The following TMPRSS11D variants were observed in gnomAD, a reference collection of about 807,000 sequenced individuals.
TMPRSS11D encodes the protein transmembrane protease serine 11D.
A neutral mutation model predicts 44.4 loss-of-function variants in TMPRSS11D; 32 were observed. That is an observed-to-expected ratio of 0.72 (90% CI 0.54 to 0.97). The LOEUF (loss-of-function observed/expected upper bound fraction) is 0.97. Among genes scored for constraint, TMPRSS11D ranks in the 50% least tolerant of loss-of-function variants. The probability of loss-of-function intolerance (pLI) is 0.00; values close to 1 mark genes in which losing one functional copy is unlikely to be tolerated. For missense variants in TMPRSS11D, 446 were observed against 502.6 expected (o/e 0.89, Z 1.08); for synonymous variants, 179 against 177.9 (o/e 1.01, Z -0.05).
chr4:67,862,811 A>G (rs1718822656), intron 1 of TMPRSS11D, among the ~76,000 whole-genome samples: 1 of 152,064 alleles, frequency 6.6e-6, no homozygotes. Flanking sequence ...GCAAGGACAA[A>G]AAACCAAACA....
At chr4:67,827,231 A>T (rs1166954770) in intron 8 of TMPRSS11D, 30 bp downstream of exon 8, 8 of 1,564,900 alleles carry the variant, frequency 5.1e-6, no homozygotes, top group Non-Finnish European at 6.0e-6. Context: ...AGACATTTCT[A>T]TTGTTAATTT....
intron 1 of TMPRSS11D, among the ~76,000 whole-genome samples, chr4:67,880,441 T>TCCTCC (rs1719293053): frequency 6.6e-6 from 1 of 152,130 alleles, no homozygotes; most frequent in Admixed American, 6.5e-5. Context: ...GGGAGGGATT[T>TCCTCC]TTTTTTAATT....
chr4:67,869,845 A>G (rs1346977752), intron 1 of TMPRSS11D, among the ~76,000 whole-genome samples: 1 of 152,214 alleles, frequency 6.6e-6, no homozygotes, highest in Non-Finnish European at 1.5e-5. Flanking sequence ...GTATAATGAG[A>G]CCAAGGTCAA....
intron 1 of TMPRSS11D, among the ~76,000 whole-genome samples, chr4:67,869,940 G>T (rs2109698633): frequency 6.6e-6 from 1 of 152,132 alleles, no homozygotes; most frequent in East Asian, 1.9e-4. Flanking sequence ...GCAAATCTGT[G>T]CTCCTTTTTT....
At chr4:67,855,252 C>CAAA (rs34448142) in intron 2 of TMPRSS11D, among the ~76,000 whole-genome samples, 1 of 125,786 alleles carries the variant, frequency 8.0e-6, no homozygotes, top group African/African-American at 3.1e-5. Context: ...AAGACTGTCT[C>CAAA]AAAAAAAAAA....
At chr4:67,854,749 C>T (rs1404129653) in intron 2 of TMPRSS11D, among the ~76,000 whole-genome samples, 1 of 152,062 alleles carries the variant, frequency 6.6e-6, no homozygotes, top group Non-Finnish European at 1.5e-5. Flanking sequence ...AGACCAATAA[C>T]AAGTAATAAG....
rs527809338 is a variant in TMPRSS11D at position 67,849,503 on chromosome 4, G to A, written c.249+4565C>T. ...CAATATTTAATGGCAGTGTAGAGGA[G>A]GGGGAGCCTGTAAAGAACACAGAGA... On this transcript the variant is annotated intron_variant, in intron 3 of 9. Transcript: ENST00000283916. Among the ~76,000 whole-genome samples, 3 of 130,996 alleles carry A rather than the reference G, an allele frequency of 2.3e-5. No individual in the cohort carries two copies. The South Asian group carries it at 7.5e-4, about 33-fold the overall frequency. The allele number at this position is 130,996 out of a possible 152,430, so 85.9% of individuals were successfully genotyped here. A position where few individuals can be genotyped will look rare whatever the true frequency, so the allele number is the denominator to read the frequency against.
chr4:67,828,474 T>A (rs954787429), intron 7 of TMPRSS11D, among the ~76,000 whole-genome samples: 1 of 152,144 alleles, frequency 6.6e-6, no homozygotes, highest in African/African-American at 2.4e-5. Context: ...AAATTTCATC[T>A]TGTTCATGTC....
chr4:67,881,031 T>C (rs964781798), intron 1 of TMPRSS11D, among the ~76,000 whole-genome samples: 5 of 152,228 alleles, frequency 3.3e-5, no homozygotes, highest in African/African-American at 1.2e-4. Flanking sequence ...TTGTTTTACA[T>C]GTCATGAGCA....
intron 1 of TMPRSS11D, among the ~76,000 whole-genome samples, chr4:67,873,299 C>T (rs1719105507): frequency 1.3e-5 from 2 of 152,158 alleles, no homozygotes; most frequent in African/African-American, 4.8e-5. Context: ...TCTGTGAGTT[C>T]TAACTTGCCA....
At chr4:67,881,000 T>G (rs1022353215) in intron 1 of TMPRSS11D, among the ~76,000 whole-genome samples, 6 of 152,038 alleles carry the variant, frequency 3.9e-5, no homozygotes, top group African/African-American at 1.5e-4. Flanking sequence ...AATTAATGAC[T>G]TTAGATTTGG....
intron 3 of TMPRSS11D, among the ~76,000 whole-genome samples, chr4:67,851,239 G>C (rs966750128): frequency 6.6e-6 from 1 of 152,200 alleles, no homozygotes; most frequent in Non-Finnish European, 1.5e-5. Context: ...GGTGGGTCCA[G>C]AGTCACAGAT....
intron 3 of TMPRSS11D, among the ~76,000 whole-genome samples, chr4:67,846,478 T>C (rs1224878626): frequency 6.6e-6 from 1 of 152,160 alleles, no homozygotes; most frequent in Non-Finnish European, 1.5e-5. Flanking sequence ...TTAATTTCAA[T>C]ACTTGGCTTT....
rs1718045424 is a variant in TMPRSS11D, at chr4:67,835,131, A to G, written c.476-10T>C. The G allele has an allele frequency of 6.2e-7, 1 of 1,608,478 alleles. No individual in the cohort carries two copies. Among genetic ancestry groups the G allele is most frequent in the South Asian group, 1.1e-5 (1 of 90,924 alleles). ...GCCTGGTCAGTAAGTGCTAGTATTA[A>G]AAAATGAGAATAAGATAAATACAAT... is the stretch of plus-strand genomic sequence containing the variant. On this transcript the variant is annotated splice_polypyrimidine_tract_variant and intron_variant, in intron 5 of 9. Coordinates refer to ENST00000283916, the MANE Select transcript of TMPRSS11D (RefSeq NM_004262.3).
chr4:67,825,786 G>A lies in TMPRSS11D; in HGVS notation c.1041C>T (p.Ile347=), dbSNP rs770483870. The change falls in exon 9 of 10, where the codon ATC becomes ATT. Residue 347 remains isoleucine (I), a synonymous_variant. Transcript: ENST00000283916. The part of the protein sequence containing the change: ...CNAPHSYNGA[I]LSGMLCAGVP... ...CTCCAGCACACAGCATTCCAGACAAGATGGCTCCATTATAACTATGTGGTG... is the reference window on the plus strand; with the variant it reads ...CTCCAGCACACAGCATTCCAGACAAAATGGCTCCATTATAACTATGTGGTG... The A allele has an allele frequency of 4.3e-6, 7 of 1,613,154 alleles. No individual in the cohort carries two copies. Among genetic ancestry groups the A allele is most frequent in the Non-Finnish European group, 5.9e-6 (7 of 1,179,498 alleles).
chr4:67,871,872 T>TA (rs1719068115), intron 1 of TMPRSS11D, among the ~76,000 whole-genome samples: 1 of 152,284 alleles, frequency 6.6e-6, no homozygotes, highest in East Asian at 1.9e-4. Flanking sequence ...TTTATGATGC[T>TA]AAGAGTTTAA....
At chr4:67,874,284 C>T (rs190396571) in intron 1 of TMPRSS11D, among the ~76,000 whole-genome samples, 22 of 149,322 alleles carry the variant, frequency 1.5e-4, no homozygotes, top group Admixed American at 6.8e-4. Flanking sequence ...TGTCAAGTAA[C>T]GCATGACTGG....
In TMPRSS11D at chr4:67,833,193, G is replaced by C; in HGVS notation, c.692+11C>G. On this transcript the variant is annotated intron_variant, in intron 7 of 9. Transcript: ENST00000283916. ...AATTGTTCCCAGATGGGTAGGTAGT[G>C]GTGGCCTCACCTTCTGAAGCAGTGA... 6.9e-7 allele frequency: 1 copy of C among 1,451,728 alleles called. No homozygotes were observed. Among genetic ancestry groups the C allele is most frequent in the Admixed American group, 2.3e-5 (1 of 42,588 alleles). 89.9% of individuals were successfully genotyped at this position (1,451,728 alleles called of 1,614,324 possible).
chr4:67,860,454 T>C (rs1315916778), intron 1 of TMPRSS11D: 1 of 152,052 alleles, frequency 6.6e-6, no homozygotes, highest in Non-Finnish European at 1.5e-5. Context: ...ATAGGAATAA[T>C]AATACCTACC....
Sources: gnomAD v4.1 joint callset for allele counts (sites outside exome capture counted in the v4.1 genomes callset) on GRCh38, gnomAD v4.1.1 for gene constraint, MANE v1.5 for transcripts, NCBI Gene and HGNC (gene_info 2026-07-23, HGNC 2026-07-21) for gene names.